Variants in SNTG2 observed in about 807,000 individuals in gnomAD.
The protein encoded by SNTG2 is syntrophin gamma 2, also known as gamma-2-syntrophin.
Under a neutral mutation model 70.9 loss-of-function variants are expected in SNTG2, and 74 were observed. The ratio of observed to expected loss-of-function variants is 1.04; its 90% confidence interval spans 0.86 to 1.27. The LOEUF is 1.27. Among genes scored for constraint, SNTG2 ranks in the 50% most tolerant of loss-of-function variants. The probability of loss-of-function intolerance (pLI) is 0.00; values close to 1 mark genes in which losing one functional copy is unlikely to be tolerated. For synonymous variants in SNTG2, 278 were observed against 273.8 expected, an observed-to-expected ratio of 1.02 and a Z score of -0.15; for missense variants, 717 against 690.7, an observed-to-expected ratio of 1.04 and a Z score of -0.43.
chr2:1,072,125 G>C (rs1458837787), intron 1 of SNTG2, among the ~76,000 whole-genome samples: 1 of 152,130 alleles, frequency 6.6e-6, no homozygotes, highest in African/African-American at 2.4e-5. Flanking sequence ...ATTGATGAGG[G>C]TGGCTACACT....
chr2:1,261,140 G>A (rs1263082484), intron 13 of SNTG2, among the ~76,000 whole-genome samples: 1 of 152,082 alleles, frequency 6.6e-6, no homozygotes, highest in African/African-American at 2.4e-5. Flanking sequence ...TTAAAAAAGA[G>A]ATTAAATTAT....
At chr2:1,352,110 C>T (rs1660611088) in intron 16 of SNTG2, among the ~76,000 whole-genome samples, 1 of 152,226 alleles carries the variant, frequency 6.6e-6, no homozygotes, top group African/African-American at 2.4e-5. Context: ...ACTCACTACA[C>T]TCGTGCCTTG....
intron 4 of SNTG2, among the ~76,000 whole-genome samples, chr2:1,123,942 AGC>A (rs1323431592): frequency 2.6e-5 from 4 of 152,338 alleles, no homozygotes; most frequent in East Asian, 1.9e-4. Flanking sequence ...AACTCATGGA[AGC>A]AGAGAGTAGA....
At chr2:1,304,218 G>A (rs61507726) in intron 14 of SNTG2, among the ~76,000 whole-genome samples, 1,746 of 152,280 alleles carry the variant, frequency 0.011, 33 homozygotes, top group African/African-American at 0.04. Context: ...TGACCTACGC[G>A]TGGCAGATGC....
intron 6 of SNTG2, among the ~76,000 whole-genome samples, chr2:1,164,978 G>T (rs960092756): frequency 6.6e-6 from 1 of 152,232 alleles, no homozygotes; most frequent in Non-Finnish European, 1.5e-5. Context: ...AATACATTGT[G>T]CACAAAAAGC....
intron 9 of SNTG2, among the ~76,000 whole-genome samples, chr2:1,231,183 G>T (rs1244591160): frequency 6.6e-6 from 1 of 151,534 alleles, no homozygotes; most frequent in African/African-American, 2.4e-5. Flanking sequence ...TCTTCCATAG[G>T]GTCACTGCGA....
chr2:1,059,799 C>CT (rs1441457021), intron 1 of SNTG2, among the ~76,000 whole-genome samples: 1 of 152,108 alleles, frequency 6.6e-6, no homozygotes, highest in African/African-American at 2.4e-5. Context: ...CCAAAACAAA[C>CT]TGAGACATAT....
chr2:1,200,138 G>GA (rs1673184707), intron 8 of SNTG2, among the ~76,000 whole-genome samples: 1 of 151,640 alleles, frequency 6.6e-6, no homozygotes, highest in African/African-American at 2.4e-5. Flanking sequence ...CTATAGTAAT[G>GA]AAAAAAGCAT....
intron 2 of SNTG2, among the ~76,000 whole-genome samples, chr2:1,088,526 A>G (rs1664821825): frequency 6.6e-6 from 1 of 152,160 alleles, no homozygotes; most frequent in South Asian, 2.1e-4. Flanking sequence ...TAGAGCAAAC[A>G]TGCATGTTTA....
intron 7 of SNTG2, among the ~76,000 whole-genome samples, chr2:1,167,638 C>T (rs1444765406): frequency 5.1e-5 from 5 of 98,804 alleles, no homozygotes; most frequent in African/African-American, 7.9e-5. Context: ...CGCCCACAGA[C>T]GGCAGAACTG....
chr2:1,132,803 C>T (rs1230237569), intron 4 of SNTG2, among the ~76,000 whole-genome samples: 1 of 152,198 alleles, frequency 6.6e-6, no homozygotes. Context: ...CTCACCCTCC[C>T]TCCAGTTTTA....
At chr2:1,145,835 G>A (rs868502688) in intron 6 of SNTG2, among the ~76,000 whole-genome samples, 1 of 152,062 alleles carries the variant, frequency 6.6e-6, no homozygotes, top group African/African-American at 2.4e-5. Flanking sequence ...ATTCAGCAAC[G>A]TCTAAAAAGA....
chr2:1,137,837 CTGT>C (rs779571204), intron 6 of SNTG2, 28 bp downstream of exon 6: 2 of 1,575,976 alleles, frequency 1.3e-6, no homozygotes, highest in African/African-American at 2.7e-5. Context: ...TATAGTTATT[CTGT>C]TTATTATTCT....
At chr2:1,162,392 G>T (rs1197790668) in intron 6 of SNTG2, among the ~76,000 whole-genome samples, 1 of 152,200 alleles carries the variant, frequency 6.6e-6, no homozygotes, top group Non-Finnish European at 1.5e-5. Context: ...CTGGTCCTTT[G>T]GGAGGAGGGC....
intron 7 of SNTG2, among the ~76,000 whole-genome samples, chr2:1,166,546 A>T (rs1670719157): frequency 6.6e-6 from 1 of 152,064 alleles, no homozygotes; most frequent in Admixed American, 6.5e-5. Flanking sequence ...TGTAGCTCTC[A>T]GGCACATCAG....
chr2:1,214,462 C>T (rs1674246558), intron 9 of SNTG2, among the ~76,000 whole-genome samples: 1 of 152,048 alleles, frequency 6.6e-6, no homozygotes, highest in African/African-American at 2.4e-5. Flanking sequence ...TCTTTCATCT[C>T]TTTCGTTAAA....
chr2:1,313,964 C>T (rs1162997968), intron 15 of SNTG2, among the ~76,000 whole-genome samples: 1 of 152,122 alleles, frequency 6.6e-6, no homozygotes, highest in African/African-American at 2.4e-5. Flanking sequence ...ATCAATGGAC[C>T]ATAAAGACAA....
chr2:1,131,517 A>G (rs569294569), intron 4 of SNTG2, among the ~76,000 whole-genome samples: 99 of 152,332 alleles, frequency 6.5e-4, no homozygotes, highest in Admixed American at 1.2e-3. Flanking sequence ...GAAAATGAGC[A>G]CAAACATGGG....
At chr2:1,310,070 A>C (rs1680904394) in intron 15 of SNTG2, among the ~76,000 whole-genome samples, 1 of 152,230 alleles carries the variant, frequency 6.6e-6, no homozygotes, top group African/African-American at 2.4e-5. Flanking sequence ...AGAACACCTG[A>C]TTTGTAACTT....
Sources: allele counts gnomAD v4.1 joint callset (sites outside exome capture counted in the v4.1 genomes callset), GRCh38; gene constraint gnomAD v4.1.1; transcripts MANE v1.5; gene names NCBI Gene and HGNC (gene_info 2026-07-23, HGNC 2026-07-21).